FBN2: variants seen among roughly 807,000 people sequenced by gnomAD.
FBN2 encodes the protein fibrillin 2.
In FBN2, 105 loss-of-function variants were observed where a neutral mutation model predicts 355.6. That is an observed-to-expected ratio of 0.30 (90% CI 0.25 to 0.35). FBN2 has a LOEUF of 0.35. Ranked by LOEUF, FBN2 falls within the 10% of genes least tolerant of loss-of-function variation. The pLI is 1.00. For synonymous variants in FBN2, 1,350 were observed against 1,301.2 expected (o/e 1.04, Z -0.81); for missense variants, 3,280 against 3,758.7 (o/e 0.87, Z 3.33).
At chr5:128,404,699 A>G (rs1218872669) in intron 8 of FBN2, among the ~76,000 whole-genome samples, 1 of 152,260 alleles carries the variant, frequency 6.6e-6, no homozygotes, top group African/African-American at 2.4e-5. Flanking sequence ...ATGAAGCTGC[A>G]TAAGACAGGG....
chr5:128,478,212 C>T (rs930128194), intron 5 of FBN2, among the ~76,000 whole-genome samples: 8 of 152,138 alleles, frequency 5.3e-5, no homozygotes, highest in African/African-American at 1.9e-4. Flanking sequence ...TGCTGTTGGA[C>T]TTCAGACAAT....
chr5:128,321,370 G>A (rs1750368992), intron 34 of FBN2, among the ~76,000 whole-genome samples: 1 of 152,092 alleles, frequency 6.6e-6, no homozygotes, highest in Non-Finnish European at 1.5e-5. Flanking sequence ...AGGTGTATGT[G>A]TGCCATGGTG....
intron 33 of FBN2, 118 bp downstream of exon 33, chr5:128,330,455 G>C: frequency 2.0e-6 from 2 of 1,009,610 alleles, no homozygotes; most frequent in Non-Finnish European, 3.1e-6. Context: ...TGCAAGTCAA[G>C]TATAAAAAAA....
chr5:128,423,078 C>G (rs555236469), intron 7 of FBN2, among the ~76,000 whole-genome samples: 1 of 152,168 alleles, frequency 6.6e-6, no homozygotes, highest in South Asian at 2.1e-4. Flanking sequence ...GAGATAAATT[C>G]TACAGCAGAA....
At chr5:128,453,997 C>CA (rs963497791) in intron 6 of FBN2, among the ~76,000 whole-genome samples, 3 of 151,542 alleles carry the variant, frequency 2.0e-5, no homozygotes, top group East Asian at 2.0e-4. Flanking sequence ...CTTGCCCCCC[C>CA]CCCAAGTTTC....
At chr5:128,312,078 A>C (rs1039077273) in intron 37 of FBN2, 125 bp from the exon 38 acceptor site, 2 of 689,346 alleles carry the variant, frequency 2.9e-6, no homozygotes, top group African/African-American at 3.6e-5. Context: ...AATTTTTCTT[A>C]GTGCCCTTTC....
In FBN2 at chr5:128,377,870, A is replaced by G; in HGVS notation, c.1731T>C (p.Asp577=). 1 of 1,613,268 alleles carries G rather than the reference A, an allele frequency of 6.2e-7. No homozygotes were observed. Among genetic ancestry groups the G allele is most frequent in the Non-Finnish European group, 8.5e-7 (1 of 1,179,338 alleles). ...AAAGAACCCCATTCTGGATGCACTC[A>G]TCAATATCTAGGAAGATTGAGAATG... ...TPTKQACIDI[D]ECIQNGVLCK... The change falls in exon 13 of 65, where the codon GAT becomes GAC. Residue 577 remains aspartate (D), a synonymous_variant. Coordinates refer to ENST00000262464, the MANE Select transcript of FBN2 (RefSeq NM_001999.4).
Position 128,345,383 on chromosome 5 carries a change from A to C in FBN2, c.3191T>G (p.Val1064Gly), listed in dbSNP as rs767662116. 2 of 1,614,186 alleles carry C rather than the reference A, an allele frequency of 1.2e-6. No homozygotes were observed. Among genetic ancestry groups the C allele is most frequent in the Admixed American group, 1.7e-5 (1 of 60,026 alleles). ...TTTGTAAAATGGCCGCCCAGTAAGA[A>C]CATCCCCTCGGTTAGCAAAGCCAGC... ...RGAGFANRGD[V>G]LTGRPFYKDI... Residue 1064 changes from valine (V) to glycine (G), a missense_variant, in exon 24 of 65, where the codon GTT (valine) becomes GGT (glycine). By Grantham distance (109) the Val-to-Gly change is moderately radical. Coordinates refer to ENST00000262464, the MANE Select transcript of FBN2 (RefSeq NM_001999.4).
At position 128,335,496 on chromosome 5, in the gene FBN2, C is replaced by T. The variant is rs760390526; in HGVS notation, c.3806G>A (p.Ser1269Asn). ...ATCTGGCATCAGGGCATAACCCTCA[C>T]TGCAGCTGCATTCGTAGCTTCCCTC... is the stretch of plus-strand genomic sequence containing the variant. ...NSEGSYECSC[S>N]EGYALMPDGR... Residue 1269 changes from serine (S) to asparagine (N), a missense_variant, in exon 29 of 65, where the codon AGT (serine) becomes AAT (asparagine). Transcript: ENST00000262464. 1 of 1,614,212 alleles carries T rather than the reference C, an allele frequency of 6.2e-7. No homozygotes were observed.
At chr5:128,419,392 T>C (rs1753286015) in intron 7 of FBN2, among the ~76,000 whole-genome samples, 1 of 152,216 alleles carries the variant, frequency 6.6e-6, no homozygotes, top group South Asian at 2.1e-4. Context: ...GTGCCCAATC[T>C]TAGGGAAAGC....
In FBN2 at chr5:128,356,142, C is replaced by G. The variant is rs893953657; in HGVS notation, c.2674+1134G>C. Among the ~76,000 whole-genome samples, 14 of 152,146 alleles carry G rather than the reference C, an allele frequency of 9.2e-5. No homozygotes were observed. In the East Asian group the frequency reaches 1.2e-3, roughly 13 times the overall value. On this transcript the variant is annotated intron_variant, in intron 20 of 64. Coordinates refer to ENST00000262464, the MANE Select transcript of FBN2 (RefSeq NM_001999.4). ...CCAACCCACACACCCCACCGCCCCC[C>G]CAACCCAGCCCGGAATTCTATAAGA...
chr5:128,446,194 G>T, intron 7 of FBN2: 1 of 298,822 alleles, frequency 3.3e-6, no homozygotes, highest in Non-Finnish European at 6.6e-6. Flanking sequence ...AAGTGAAATG[G>T]AAACCTACTT....
chr5:128,441,595 C>G (rs1753922728), intron 7 of FBN2, among the ~76,000 whole-genome samples: 1 of 152,112 alleles, frequency 6.6e-6, no homozygotes. Flanking sequence ...ATTGTCTGGA[C>G]TATAGAAAAT....
chr5:128,311,545 C>G, intron 38 of FBN2, 120 bp from the exon 39 acceptor site: 1 of 1,060,782 alleles, frequency 9.4e-7, no homozygotes, highest in Non-Finnish European at 1.4e-6. Flanking sequence ...CAAATGAACG[C>G]ACACTTAGAT....
chr5:128,437,819 T>TAGAC (rs71575718), intron 7 of FBN2, among the ~76,000 whole-genome samples: 3,729 of 107,934 alleles, frequency 0.035, 80 homozygotes, highest in East Asian at 0.15. Flanking sequence ...GATAGATAGA[T>TAGAC]AGACAGACAG....
chr5:128,351,402 C>T (rs984958756), intron 20 of FBN2, among the ~76,000 whole-genome samples: 1 of 151,960 alleles, frequency 6.6e-6, no homozygotes, highest in African/African-American at 2.4e-5. Context: ...CAAAAATTAG[C>T]CAGGCTTGGT....
At chr5:128,362,353 T>G (rs550874679) in intron 18 of FBN2, among the ~76,000 whole-genome samples, 1 of 152,354 alleles carries the variant, frequency 6.6e-6, no homozygotes, top group Non-Finnish European at 1.5e-5. Context: ...TATGTTTTTA[T>G]CTCAGAAACA....
rs535348742 is a variant in FBN2, at chr5:128,323,805, T to C, written c.4472-4804A>G. Among the ~76,000 whole-genome samples the C allele has an allele frequency of 5.3e-5, 8 of 152,344 alleles. No homozygotes were observed. The East Asian group carries it at 1.5e-3, about 29-fold the overall frequency. ...CGGTATCAGGATGATGCTGGCCTCA[T>C]AAAATGAGTTAGGGAGGAGTCCCTC... On this transcript the variant is annotated intron_variant, in intron 34 of 64. Transcript: ENST00000262464.
At chr5:128,536,279 T>C in intron 2 of FBN2, 123 bp downstream of exon 2, 1 of 768,532 alleles carries the variant, frequency 1.3e-6, no homozygotes. Flanking sequence ...GTCCCGATTA[T>C]CAGTGCAATG....
Sources: gnomAD v4.1 joint callset for allele counts (sites outside exome capture counted in the v4.1 genomes callset) on GRCh38, gnomAD v4.1.1 for gene constraint, MANE v1.5 for transcripts, NCBI Gene and HGNC (gene_info 2026-07-23, HGNC 2026-07-21) for gene names.